NUP58: variants seen among roughly 807,000 people sequenced by gnomAD.
NUP58 encodes nucleoporin p58/p45.
Under a neutral mutation model 70.1 loss-of-function variants are expected in NUP58, and 17 were observed. The ratio of observed to expected loss-of-function variants is 0.24; its 90% CI spans 0.17 to 0.36. The LOEUF is 0.36. Ranked by LOEUF, NUP58 falls within the 10% of genes least tolerant of loss-of-function variation. The pLI is 1.00. For missense variants in NUP58, 644 were observed against 701.5 expected (o/e 0.92, Z 0.93); for synonymous variants, 275 against 257.6 (o/e 1.07, Z -0.65).
rs2030011096 is a variant in NUP58 at position 25,301,807 on chromosome 13, CTG to C, written c.35_36del (p.Leu12ArgfsTer24). 1.2e-6 allele frequency: 2 copies of C among 1,613,632 alleles called. No homozygotes were observed. Among genetic ancestry groups the C allele is most frequent in the Non-Finnish European group, 1.7e-6 (2 of 1,179,854 alleles). On this transcript the variant is annotated frameshift_variant, in exon 1 of 16. Transcript: ENST00000381736. LOFTEE classifies it high-confidence loss of function. Reference protein sequence around the residue: ...STGFSFGSGTLGSTTVAAGGT... With the variant: ...STGFSFGSGTXGSTTVAAGGT... ...AGGGTTCTCCTTCGGGTCCGGGACT[CTG>C]GGCTCCACCACCGTGGCCGCCGGCG...
chr13:25,314,845 A>G (rs532625776), intron 5 of NUP58, among the ~76,000 whole-genome samples: 2 of 152,336 alleles, frequency 1.3e-5, no homozygotes, highest in South Asian at 4.1e-4. Context: ...GGAAGATGTA[A>G]ATAAGCAAAT....
At chr13:25,315,604 A>G in intron 6 of NUP58, 137 bp downstream of exon 6, 1 of 610,108 alleles carries the variant, frequency 1.6e-6, no homozygotes, top group Non-Finnish European at 2.9e-6. Flanking sequence ...GTGTATACGA[A>G]TATGTATTTT....
At chr13:25,338,853 T>G in intron 15 of NUP58, 122 bp downstream of exon 15, 1 of 709,682 alleles carries the variant, frequency 1.4e-6, no homozygotes. Flanking sequence ...TTTTACTCCC[T>G]GGATGAAGTG....
Position 25,340,230 on chromosome 13 carries a change from ATT to A in NUP58, c.*98_*99del, listed in dbSNP as rs2031913029. 8.6e-7 allele frequency: 1 copy of A among 1,168,478 alleles called. No homozygotes were observed. Among genetic ancestry groups the A allele is most frequent in the South Asian group, 2.2e-5 (1 of 44,768 alleles). The allele number at this position is 1,168,478 out of a possible 1,614,324, so 72.4% of individuals were successfully genotyped here. ...CAGTAATTAAATTGCATCCCAGGAG[ATT>A]TATAAAGTTTTGATATTTTTCCCTA... On this transcript the variant is annotated 3_prime_UTR_variant, in exon 16 of 16. Coordinates refer to ENST00000381736, the MANE Select transcript of NUP58 (RefSeq NM_014089.4).
chr13:25,343,826 T>TATATATATATATATAC (rs1491561346), downstream of NUP58, among the ~76,000 whole-genome samples: 8 of 127,570 alleles, frequency 6.3e-5, no homozygotes, highest in East Asian at 2.2e-4. Flanking sequence ...TATATATATA[T>TATATATATATATATAC]ACACATATAT....
chr13:25,342,799 A>AT (rs955558227), downstream of NUP58, among the ~76,000 whole-genome samples: 2 of 151,778 alleles, frequency 1.3e-5, no homozygotes, highest in African/African-American at 2.4e-5. Flanking sequence ...ATTCTCTCTG[A>AT]TTTTTTATCA....
chr13:25,302,317 C>T (rs574937134), intron 1 of NUP58, among the ~76,000 whole-genome samples: 2 of 152,274 alleles, frequency 1.3e-5, no homozygotes, highest in East Asian at 1.9e-4. Context: ...TTGGATATGA[C>T]GGTGTTTTAA....
Position 25,327,530 on chromosome 13 carries a change from A to T in NUP58, c.1233+18A>T, listed in dbSNP as rs772015997. On this transcript the variant is annotated intron_variant, in intron 12 of 15. Coordinates refer to ENST00000381736, the MANE Select transcript of NUP58 (RefSeq NM_014089.4). The stretch of plus-strand genomic sequence containing the variant: ...ATGTAAAGGTAAGTTTTCATTACCC[A>T]TTTATCTACCTGGATATGTAGACCC... 1.4e-5 allele frequency: 22 copies of T among 1,540,638 alleles called. No individual in the cohort carries two copies. In the South Asian group the frequency reaches 2.2e-4, roughly 15 times the overall value.
chr13:25,333,486 A>G (rs1346523765), intron 13 of NUP58: 1 of 985,296 alleles, frequency 1.0e-6, no homozygotes, highest in African/African-American at 1.7e-5. Context: ...AGAAATTATA[A>G]TTTATTAACC....
chr13:25,333,967 C>A, intron 13 of NUP58: 1 of 985,248 alleles, frequency 1.0e-6, no homozygotes, highest in Non-Finnish European at 1.2e-6. Flanking sequence ...TAGACTGCTG[C>A]CTTCTGAAGG....
At chr13:25,345,858 C>T (rs9507502), downstream of NUP58, among the ~76,000 whole-genome samples, 129,150 of 152,104 alleles carry the variant, frequency 0.85, 56,651 homozygotes, top group Non-Finnish European at 0.96. Context: ...GAAAAATTGA[C>T]TGTGGCCCAG....
At chr13:25,309,222 AT>A (rs2030532130) in intron 2 of NUP58, 24 bp from the exon 3 acceptor site, 6 of 1,572,640 alleles carry the variant, frequency 3.8e-6, no homozygotes, top group African/African-American at 1.4e-5. Context: ...TGATGATTAA[AT>A]TTTATTTCTC....
At position 25,340,223 on chromosome 13, in the gene NUP58, C is replaced by A; in HGVS notation, c.*89C>A. On this transcript the variant is annotated 3_prime_UTR_variant, in exon 16 of 16. Transcript: ENST00000381736. ...AATGATGCAGTAATTAAATTGCATC[C>A]CAGGAGATTTATAAAGTTTTGATAT... is the stretch of plus-strand genomic sequence containing the variant. 1 of 1,167,494 alleles carries A rather than the reference C, an allele frequency of 8.6e-7. No homozygotes were observed. The highest frequency in any genetic ancestry group is 1.1e-6 in the Non-Finnish European group (1 of 874,360). 72.3% of individuals were successfully genotyped at this position (1,167,494 alleles called of 1,614,324 possible).
At chr13:25,347,080 C>G (rs539103016), downstream of NUP58, among the ~76,000 whole-genome samples, 7 of 152,154 alleles carry the variant, frequency 4.6e-5, no homozygotes, top group East Asian at 1.4e-3. Flanking sequence ...TACACATAGC[C>G]TGAGGGTAAT....
At chr13:25,337,171 C>T in intron 14 of NUP58, 137 bp downstream of exon 14, 1 of 479,042 alleles carries the variant, frequency 2.1e-6, no homozygotes, top group South Asian at 4.3e-5. Context: ...GATTCTCAAA[C>T]ATAATTATTG....
At chr13:25,332,596 C>A (rs1483516728) in intron 13 of NUP58, 1 of 985,264 alleles carries the variant, frequency 1.0e-6, no homozygotes, top group Non-Finnish European at 1.2e-6. Flanking sequence ...GAAGCATTCT[C>A]TGGTTTTCAC....
intron 12 of NUP58, 92 bp from the exon 13 acceptor site, chr13:25,331,265 C>A: frequency 8.4e-7 from 1 of 1,186,406 alleles, no homozygotes; most frequent in Non-Finnish European, 1.2e-6. Context: ...AATATTGGGA[C>A]TGTCTTTGGT....
At chr13:25,302,867 C>T (rs2030097464) in intron 1 of NUP58, 3 of 432,672 alleles carry the variant, frequency 6.9e-6, no homozygotes, top group South Asian at 1.7e-5. Context: ...TTACTCTACT[C>T]GCTCAACAAC....
intron 14 of NUP58, among the ~76,000 whole-genome samples, chr13:25,337,503 A>G (rs1235710513): frequency 6.6e-6 from 1 of 152,172 alleles, no homozygotes; most frequent in African/African-American, 2.4e-5. Flanking sequence ...ACATTTGGCA[A>G]ATTTGCCTAT....
Sources: allele counts gnomAD v4.1 joint callset (sites outside exome capture counted in the v4.1 genomes callset), GRCh38; gene constraint gnomAD v4.1.1; transcripts MANE v1.5; gene names NCBI Gene and HGNC (gene_info 2026-07-23, HGNC 2026-07-21).